The following DBF4B variants were observed in gnomAD, a reference collection of about 807,000 sequenced individuals.
The protein encoded by DBF4B is DBF4B-CDC7 kinase regulatory subunit.
In DBF4B, 49 loss-of-function variants were observed where a neutral mutation model predicts 53.4. The observed-to-expected ratio is 0.92, with a 90% confidence interval of 0.73 to 1.16. The LOEUF (loss-of-function observed/expected upper bound fraction) is 1.16. DBF4B is among the 50% of genes most tolerant of loss of function. The pLI is 0.00. For missense variants in DBF4B, 692 were observed against 775.0 expected (o/e 0.89, Z 1.27); for synonymous variants, 257 against 288.7 (o/e 0.89, Z 1.11).
rs978591042 is a variant in DBF4B at position 44,749,179 on chromosome 17, A to G, written c.1189+714A>G. 7.8e-7 allele frequency: 1 copy of G among 1,289,640 alleles called. No individual in the cohort carries two copies. The highest frequency in any genetic ancestry group is 1.0e-6 in the Non-Finnish European group (1 of 988,852). The allele number at this position is 1,289,640 out of a possible 1,614,324, so 79.9% of individuals were successfully genotyped here. ...CTCCCTCCTGCAGCCCCTGCCAGCC[A>G]GTGCGGGAGCCAGCTGTTCCCGATG... On this transcript the variant is annotated intron_variant, in intron 13 of 13. Coordinates refer to ENST00000315005, the MANE Select transcript of DBF4B (RefSeq NM_145663.3). The surrounding 1 kb of genome is among the most constrained non-coding windows in gnomAD (Gnocchi z 4.4).
At chr17:44,725,171 G>A (rs901661635) in intron 3 of DBF4B, among the ~76,000 whole-genome samples, 1 of 150,296 alleles carries the variant, frequency 6.7e-6, no homozygotes, top group African/African-American at 2.5e-5. Context: ...CATGCCTGTA[G>A]TCCAGCTACT....
At chr17:44,739,391 C>T in intron 9 of DBF4B, among the ~76,000 whole-genome samples, 1 of 152,222 alleles carries the variant, frequency 6.6e-6, no homozygotes, top group Middle Eastern at 3.2e-3. Context: ...CAGGGAAGGG[C>T]AGGGCAGCTG....
rs566915855 is a variant in DBF4B at position 44,709,358 on chromosome 17, C to T, written c.74C>T (p.Pro25Leu). Residue 25 changes from proline to leucine, a missense_variant, in exon 2 of 14, where the codon CCG becomes CTG. Pro to Leu is a moderately conservative substitution (Grantham distance 98). This residue lies in a region of DBF4B where 66 missense variants were observed against 51.3 expected (regional missense o/e 1.29). Transcript: ENST00000315005. ...ATGGCTGAGAGTAGGCTCCGGGCCC[C>T]GGACCTAGGTGGGTAACAGGACAGA... is the stretch of plus-strand genomic sequence containing the variant. ...SSMAESRLRA[P>L]DLGVSRCLGK... is the part of the protein sequence containing the mutation. 3 of 1,614,124 alleles carry T rather than the reference C, an allele frequency of 1.9e-6. No homozygotes were observed. Among genetic ancestry groups the T allele is most frequent in the Admixed American group, 1.7e-5 (1 of 60,012 alleles).
chr17:44,730,252 T>C (rs1974718774), intron 4 of DBF4B, among the ~76,000 whole-genome samples, 156 bp downstream of exon 4: 1 of 152,230 alleles, frequency 6.6e-6, no homozygotes, highest in African/African-American at 2.4e-5. Flanking sequence ...GCTCTGGATC[T>C]AAACACCTCA....
chr17:44,748,245 ACCGC>A, intron 12 of DBF4B, 92 bp from the exon 13 acceptor site: 1 of 1,485,006 alleles, frequency 6.7e-7, no homozygotes, highest in Non-Finnish European at 9.0e-7. Flanking sequence ...CGGCACATGA[ACCGC>A]CAGCTGTGGC....
intron 2 of DBF4B, among the ~76,000 whole-genome samples, chr17:44,710,141 C>G (rs571728414): frequency 1.3e-5 from 2 of 152,112 alleles, no homozygotes; most frequent in East Asian, 3.9e-4. Flanking sequence ...CCACTGCACT[C>G]CAACCTGGGC....
rs759312354 is a variant in DBF4B at position 44,731,044 on chromosome 17, GGT to G, written c.468+31_468+32del. 19 of 1,613,662 alleles carry G rather than the reference GGT, an allele frequency of 1.2e-5. No individual in the cohort carries two copies. In the South Asian group the frequency reaches 2.1e-4, roughly 18 times the overall value. ...AGCTGGGGCAAGATGGGACAGAGCC[GGT>G]GGTCTCCAGCATAGGGAGGGATTTC... On this transcript the variant is annotated intron_variant, in intron 5 of 13. Transcript: ENST00000315005.
intron 2 of DBF4B, among the ~76,000 whole-genome samples, chr17:44,709,819 T>A (rs939773747): frequency 6.6e-6 from 1 of 152,022 alleles, no homozygotes; most frequent in Non-Finnish European, 1.5e-5. Flanking sequence ...TAAACACTGC[T>A]ACCTAATTAG....
At chr17:44,747,828 C>T (rs190885515) in intron 12 of DBF4B, among the ~76,000 whole-genome samples, 84 of 152,294 alleles carry the variant, frequency 5.5e-4, no homozygotes, top group Middle Eastern at 3.4e-3. Flanking sequence ...GCTTGGGCCT[C>T]TCCTAGATAG....
intron 1 of DBF4B, among the ~76,000 whole-genome samples, 174 bp from the exon 2 acceptor site, chr17:44,709,130 A>AT (rs1190874008): frequency 2.6e-5 from 4 of 152,118 alleles, no homozygotes; most frequent in African/African-American, 9.7e-5. Context: ...GGCGGAGGGC[A>AT]TGAGGGGCAA....
intron 2 of DBF4B, among the ~76,000 whole-genome samples, chr17:44,716,117 C>G (rs1054216053): frequency 2.0e-5 from 3 of 152,064 alleles, no homozygotes; most frequent in African/African-American, 7.2e-5. Flanking sequence ...AGCCACCACA[C>G]CCAGTCTAGC....
At chr17:44,711,957 C>T (rs147077478) in intron 2 of DBF4B, among the ~76,000 whole-genome samples, 2,720 of 151,098 alleles carry the variant, frequency 0.018, 75 homozygotes, top group African/African-American at 0.061. Context: ...AATTAGCTGG[C>T]GTGGTGGCAG....
At chr17:44,742,097 A>T (rs1043879645) in intron 10 of DBF4B, among the ~76,000 whole-genome samples, 9 of 151,824 alleles carry the variant, frequency 5.9e-5, no homozygotes, top group Admixed American at 2.0e-4. Context: ...ACAAAAAATA[A>T]AAATAAAAAT....
At chr17:44,734,454 T>TA (rs1206368292) in intron 7 of DBF4B, among the ~76,000 whole-genome samples, 1 of 152,226 alleles carries the variant, frequency 6.6e-6, no homozygotes, top group Non-Finnish European at 1.5e-5. Context: ...CTGGACCAGA[T>TA]AAAGTTCATA....
At chr17:44,725,331 C>G (rs1974213426) in intron 3 of DBF4B, among the ~76,000 whole-genome samples, 1 of 152,042 alleles carries the variant, frequency 6.6e-6, no homozygotes, top group African/African-American at 2.4e-5. Flanking sequence ...TCTGTTCACT[C>G]TAGAAATTTT....
At chr17:44,733,923 C>A (rs1199873706) in intron 6 of DBF4B, 167 bp from the exon 7 acceptor site, 1 of 614,654 alleles carries the variant, frequency 1.6e-6, no homozygotes, top group East Asian at 2.7e-5. Context: ...TCCTTAACCT[C>A]CGCTGTCAGG....
chr17:44,745,348 A>G (rs1410029720), intron 10 of DBF4B, among the ~76,000 whole-genome samples: 1 of 152,236 alleles, frequency 6.6e-6, no homozygotes, highest in Non-Finnish European at 1.5e-5. Flanking sequence ...TAACTCTGCT[A>G]TATTAGTCCA....
At chr17:44,709,567 T>C (rs1972680378) in intron 2 of DBF4B, among the ~76,000 whole-genome samples, 1 of 152,158 alleles carries the variant, frequency 6.6e-6, no homozygotes, top group Non-Finnish European at 1.5e-5. Context: ...GCAGTTCTCC[T>C]GCCTAGGCCT....
intron 11 of DBF4B, 53 bp from the exon 12 acceptor site, chr17:44,747,338 C>A: frequency 6.2e-7 from 1 of 1,608,208 alleles, no homozygotes; most frequent in Non-Finnish European, 8.5e-7. Context: ...CTTCCGTGTC[C>A]CCCTCCCCCC....
Sources: allele counts gnomAD v4.1 joint callset (sites outside exome capture counted in the v4.1 genomes callset), GRCh38; gene constraint gnomAD v4.1.1; regional missense constraint gnomAD v4.1.1; non-coding constraint Gnocchi (gnomAD v3.1); transcripts MANE v1.5; gene names NCBI Gene and HGNC (gene_info 2026-07-23, HGNC 2026-07-21).